The following SPC25 variants were observed in gnomAD, a reference collection of about 807,000 sequenced individuals.
The protein encoded by SPC25 is SPC25 component of NDC80 kinetochore complex, also known as kinetochore protein Spc25.
SPC25 carries 22 observed loss-of-function variants against 29.6 expected under a neutral mutation model. The observed-to-expected ratio is 0.74, with a 90% confidence interval of 0.53 to 1.06. SPC25 has a LOEUF of 1.06. Among genes scored for constraint, SPC25 ranks in the 50% least tolerant of loss-of-function variants. The pLI, the probability that SPC25 is intolerant of heterozygous loss-of-function variation, is 0.00. For synonymous variants in SPC25, 91 were observed against 90.4 expected (o/e 1.01, Z -0.04); for missense variants, 230 against 255.8 (o/e 0.90, Z 0.69).
chr2:168,868,991 C>CA (rs1689928264), downstream of SPC25, among the ~76,000 whole-genome samples: 1 of 152,150 alleles, frequency 6.6e-6, no homozygotes, highest in African/African-American at 2.4e-5. Context: ...AGCAGCACAT[C>CA]AAAAAGCTTA....
At chr2:168,886,668 G>A (rs905256118) in intron 3 of SPC25, among the ~76,000 whole-genome samples, 3 of 151,760 alleles carry the variant, frequency 2.0e-5, no homozygotes, top group Non-Finnish European at 2.9e-5. Flanking sequence ...CATAGGCGCC[G>A]GCCACCAGGC....
chr2:168,887,469 G>A (rs1690290570), intron 3 of SPC25, among the ~76,000 whole-genome samples: 1 of 151,798 alleles, frequency 6.6e-6, no homozygotes, highest in African/African-American at 2.4e-5. Flanking sequence ...AGTAAACATG[G>A]GTAAAAGTGT....
intron 6 of SPC25, among the ~76,000 whole-genome samples, chr2:168,873,317 A>C (rs147106202): frequency 1.2e-3 from 180 of 152,312 alleles, no homozygotes; most frequent in Non-Finnish European, 2.4e-3. Context: ...TTTGCACATA[A>C]ATGCAATGAT....
downstream of SPC25, among the ~76,000 whole-genome samples, chr2:168,867,806 G>A (rs1200416907): frequency 6.6e-6 from 1 of 152,064 alleles, no homozygotes; most frequent in Non-Finnish European, 1.5e-5. Flanking sequence ...GAGACAGAAA[G>A]TTAACAAGGA....
intron 3 of SPC25, 69 bp from the exon 4 acceptor site, chr2:168,877,453 A>C: frequency 6.5e-7 from 1 of 1,532,172 alleles, no homozygotes. Context: ...AAAAGGCCAA[A>C]GTTTACTGAC....
At chr2:168,884,195 A>T (rs1690222298) in intron 3 of SPC25, among the ~76,000 whole-genome samples, 1 of 152,220 alleles carries the variant, frequency 6.6e-6, no homozygotes, top group East Asian at 1.9e-4. Context: ...GCACGTCAGT[A>T]TAGCACAATG....
At chr2:168,867,449 TAA>T (rs1376976063), downstream of SPC25, among the ~76,000 whole-genome samples, 4 of 152,144 alleles carry the variant, frequency 2.6e-5, no homozygotes, top group African/African-American at 4.8e-5. Context: ...GCAAATTGGA[TAA>T]AGAGTCAAGA....
downstream of SPC25, among the ~76,000 whole-genome samples, chr2:168,868,388 A>G (rs1237591669): frequency 1.3e-5 from 2 of 152,286 alleles, no homozygotes; most frequent in East Asian, 1.9e-4. Context: ...GACACAAAAA[A>G]CCCTTCAAAA....
chr2:168,889,565 G>GT, intron 1 of SPC25, 32 bp from the exon 2 acceptor site: 1 of 1,582,586 alleles, frequency 6.3e-7, no homozygotes, highest in Non-Finnish European at 8.6e-7. Flanking sequence ...CATTTTTTAA[G>GT]TTACTGAAAT....
intron 3 of SPC25, among the ~76,000 whole-genome samples, chr2:168,883,941 T>A (rs1690217653): frequency 6.6e-6 from 1 of 152,034 alleles, no homozygotes; most frequent in South Asian, 2.1e-4. Context: ...CAGCTAATTT[T>A]TATATTTTTA....
intron 5 of SPC25, among the ~76,000 whole-genome samples, chr2:168,875,474 C>G (rs1476396313): frequency 1.3e-5 from 2 of 152,062 alleles, no homozygotes; most frequent in East Asian, 3.8e-4. Flanking sequence ...TTAACAACAA[C>G]TAATAATAAA....
intron 3 of SPC25, among the ~76,000 whole-genome samples, chr2:168,878,413 T>C (rs1690124215): frequency 1.3e-5 from 2 of 152,326 alleles, no homozygotes; most frequent in Non-Finnish European, 1.5e-5. Context: ...TAACTATAAA[T>C]GGAAGGACAT....
intron 6 of SPC25, among the ~76,000 whole-genome samples, chr2:168,872,476 A>T (rs1163519250): frequency 6.6e-6 from 1 of 152,166 alleles, no homozygotes; most frequent in Non-Finnish European, 1.5e-5. Flanking sequence ...GTACACTGGG[A>T]CAAGTCTCCA....
intron 4 of SPC25, chr2:168,864,772 C>T: frequency 1.3e-6 from 2 of 1,583,194 alleles, no homozygotes; most frequent in Non-Finnish European, 1.7e-6. Flanking sequence ...AAACTCTTAT[C>T]AATCGGGCTG....
chr2:168,864,895 G>GA (rs757832201), intron 4 of SPC25: 57 of 1,613,744 alleles, frequency 3.5e-5, no homozygotes, highest in Non-Finnish European at 4.6e-5. Context: ...CTTTGAATGG[G>GA]AAAAAAGGCC....
chr2:168,867,068 G>C (rs561577818), downstream of SPC25, among the ~76,000 whole-genome samples: 3 of 152,074 alleles, frequency 2.0e-5, no homozygotes, highest in South Asian at 2.1e-4. Context: ...TCGGTGTGGC[G>C]ATTCCTCAGG....
chr2:168,867,242 T>C (rs1689879947), downstream of SPC25, among the ~76,000 whole-genome samples: 1 of 152,070 alleles, frequency 6.6e-6, no homozygotes, highest in Non-Finnish European at 1.5e-5. Flanking sequence ...CCAACAATGA[T>C]AGACTAGATT....
At chr2:168,869,054 A>G (rs1333913730), downstream of SPC25, among the ~76,000 whole-genome samples, 1 of 152,240 alleles carries the variant, frequency 6.6e-6, no homozygotes, top group African/African-American at 2.4e-5. Flanking sequence ...GGTTCAACAT[A>G]CGAAAATCAA....
chr2:168,889,882 T>C (rs774330200), intron 1 of SPC25, among the ~76,000 whole-genome samples: 42 of 152,150 alleles, frequency 2.8e-4, no homozygotes, highest in Non-Finnish European at 4.7e-4. Context: ...ATCATCAGGA[T>C]AGCCAGGTGG....
Sources: allele counts gnomAD v4.1 joint callset (sites outside exome capture counted in the v4.1 genomes callset), GRCh38; gene constraint gnomAD v4.1.1; transcripts MANE v1.5; gene names NCBI Gene and HGNC (gene_info 2026-07-23, HGNC 2026-07-21).